Variants in TAF4B observed in about 807,000 individuals in gnomAD.
TAF4B encodes TATA-box binding protein associated factor 4b.
TAF4B carries 38 observed loss-of-function variants against 86.4 expected under a neutral mutation model. The ratio of observed to expected loss-of-function variants is 0.44; its 90% confidence interval spans 0.34 to 0.58. The LOEUF (loss-of-function observed/expected upper bound fraction) is 0.58. TAF4B is among the 20% of genes least tolerant of loss of function. The pLI is 0.02. For missense variants in TAF4B, 988 were observed against 1,027.6 expected, an observed-to-expected ratio of 0.96 and a Z score of 0.53; for synonymous variants, 388 against 391.2, an observed-to-expected ratio of 0.99 and a Z score of 0.10.
chr18:26,347,783 C>T (rs954805100), intron 13 of TAF4B, among the ~76,000 whole-genome samples: 3 of 152,134 alleles, frequency 2.0e-5, no homozygotes, highest in African/African-American at 7.2e-5. Context: ...GCTATACTTA[C>T]ATAAGACAAA....
chr18:26,267,355 T>C, intron 2 of TAF4B, 161 bp from the exon 3 acceptor site: 1 of 465,524 alleles, frequency 2.1e-6, no homozygotes, highest in East Asian at 3.1e-5. Flanking sequence ...GCTGACCAGT[T>C]AGGTTTATAG....
intron 14 of TAF4B, among the ~76,000 whole-genome samples, chr18:26,364,774 A>G (rs911570480): frequency 5.9e-5 from 9 of 152,114 alleles, no homozygotes; most frequent in African/African-American, 1.9e-4. Context: ...ATGCTTTTTT[A>G]CTAACATAAA....
At chr18:26,249,093 A>G (rs1268464840) in intron 1 of TAF4B, among the ~76,000 whole-genome samples, 1 of 151,298 alleles carries the variant, frequency 6.6e-6, no homozygotes, top group African/African-American at 2.4e-5. Context: ...GATCACTTGA[A>G]CCAGGGAGCT....
intron 3 of TAF4B, among the ~76,000 whole-genome samples, chr18:26,272,107 C>T (rs117194448): frequency 0.042 from 6,336 of 152,106 alleles, 180 homozygotes; most frequent in Non-Finnish European, 0.058. Flanking sequence ...TTGCAAAGGG[C>T]CTGATCTTCC....
At chr18:26,241,880 T>C (rs1183475124) in intron 1 of TAF4B, among the ~76,000 whole-genome samples, 3 of 152,208 alleles carry the variant, frequency 2.0e-5, no homozygotes, top group Non-Finnish European at 4.4e-5. Context: ...TCAGTTTCCA[T>C]GTAGTTGAGC....
intron 14 of TAF4B, among the ~76,000 whole-genome samples, chr18:26,362,997 T>A (rs879574223): frequency 1.3e-5 from 2 of 152,208 alleles, no homozygotes; most frequent in African/African-American, 2.4e-5. Flanking sequence ...AGAGGTGATT[T>A]CAAGTATACA....
chr18:26,388,652 CCTAT>C (rs1381295507), intron 14 of TAF4B, among the ~76,000 whole-genome samples: 1 of 152,122 alleles, frequency 6.6e-6, no homozygotes, highest in African/African-American at 2.4e-5. Context: ...CTAATCTCTG[CCTAT>C]TGGCAGAGGA....
intron 1 of TAF4B, 45 bp downstream of exon 1, chr18:26,227,321 C>T (rs1302446572): frequency 1.9e-6 from 3 of 1,566,700 alleles, no homozygotes; most frequent in Admixed American, 2.0e-5. Flanking sequence ...GTCCAGCTGG[C>T]GGCGACGGGA....
At chr18:26,270,599 C>G (rs568262648) in intron 3 of TAF4B, among the ~76,000 whole-genome samples, 43 of 152,308 alleles carry the variant, frequency 2.8e-4, no homozygotes, top group African/African-American at 1.0e-3. Context: ...TTATAGGCAT[C>G]AGCCATTGCA....
chr18:26,328,947 A>T (rs1394125919), intron 12 of TAF4B, among the ~76,000 whole-genome samples: 6 of 151,434 alleles, frequency 4.0e-5, no homozygotes, highest in South Asian at 2.1e-4. Flanking sequence ...CCCTTTCTAC[A>T]CATACAATCA....
At chr18:26,262,343 T>C (rs892765718) in intron 1 of TAF4B, among the ~76,000 whole-genome samples, 3 of 152,048 alleles carry the variant, frequency 2.0e-5, no homozygotes, top group African/African-American at 7.2e-5. Flanking sequence ...ATTTCTGTCA[T>C]GTTGAGCTGA....
intron 14 of TAF4B, among the ~76,000 whole-genome samples, chr18:26,368,440 A>G (rs1215128563): frequency 6.6e-6 from 1 of 152,172 alleles, no homozygotes; most frequent in Admixed American, 6.5e-5. Context: ...TGCATAAGTA[A>G]TTTAACTAAA....
intron 13 of TAF4B, 66 bp downstream of exon 13, chr18:26,335,297 A>G: frequency 2.9e-6 from 4 of 1,393,938 alleles, no homozygotes; most frequent in Non-Finnish European, 4.1e-6. Flanking sequence ...CTCTCCTGGC[A>G]ATTAGGTCAG....
At chr18:26,227,311 G>A in intron 1 of TAF4B, 35 bp downstream of exon 1, 4 of 1,582,334 alleles carry the variant, frequency 2.5e-6, no homozygotes, top group African/African-American at 1.4e-5. Flanking sequence ...TTGTCTGTCG[G>A]TCCAGCTGGC....
At chr18:26,323,052 T>C (rs2056975482) in intron 11 of TAF4B, among the ~76,000 whole-genome samples, 1 of 152,178 alleles carries the variant, frequency 6.6e-6, no homozygotes. Flanking sequence ...AGTTTTCCTT[T>C]TGTTGTTGGT....
Position 26,357,624 on chromosome 18 carries a change from C to G in TAF4B, c.2317-66C>G, listed in dbSNP as rs1439842793. The G allele has an allele frequency of 7.5e-6, 8 of 1,071,990 alleles. No individual in the cohort carries two copies. In the East Asian group the frequency reaches 1.8e-4, roughly 24 times the overall value. The allele number at this position is 1,071,990 out of a possible 1,614,324, so 66.4% of individuals were successfully genotyped here. A position where few individuals can be genotyped will look rare whatever the true frequency, so the allele number is the denominator to read the frequency against. ...TGAATGCAGAATTAGGCTTAGTAAT[C>G]AGTTTCTTTTTCCCTCTGAGCATGA... On this transcript the variant is annotated intron_variant, in intron 13 of 14. Transcript: ENST00000269142.
chr18:26,345,355 G>C (rs567856332), intron 13 of TAF4B, among the ~76,000 whole-genome samples: 21 of 152,324 alleles, frequency 1.4e-4, no homozygotes, highest in African/African-American at 3.6e-4. Context: ...TAACAGCCCT[G>C]TGGGCTGCTC....
rs1978666372 is a variant in TAF4B, at chr18:26,390,854, G to A, written c.*842G>A. 1 of 152,028 alleles carries A rather than the reference G, an allele frequency of 6.6e-6. No homozygotes were observed. 9.4% of individuals were successfully genotyped at this position (152,028 alleles called of 1,614,324 possible). A position where few individuals can be genotyped will look rare whatever the true frequency, so the allele number is the denominator to read the frequency against. On this transcript the variant is annotated 3_prime_UTR_variant, in exon 15 of 15. Transcript: ENST00000269142. ...CAAAACAACTGGTACATGTTTTGTTGATGGGCAAAAAAAATCACAGCACAA... is the reference window on the plus strand; with the variant it reads ...CAAAACAACTGGTACATGTTTTGTTAATGGGCAAAAAAAATCACAGCACAA...
At chr18:26,278,245 T>C (rs548399990) in intron 5 of TAF4B, among the ~76,000 whole-genome samples, 1 of 152,328 alleles carries the variant, frequency 6.6e-6, no homozygotes, top group African/African-American at 2.4e-5. Flanking sequence ...TGAGATTTAG[T>C]AAAGTTAATT....
Sources: allele counts gnomAD v4.1 joint callset (sites outside exome capture counted in the v4.1 genomes callset), GRCh38; gene constraint gnomAD v4.1.1; transcripts MANE v1.5; gene names NCBI Gene and HGNC (gene_info 2026-07-23, HGNC 2026-07-21).